STPG2: variants seen among roughly 807,000 people sequenced by gnomAD.
STPG2 encodes the protein sperm-tail PG-rich repeat-containing protein 2.
STPG2 carries 56 observed loss-of-function variants against 54.2 expected under a neutral mutation model. The ratio of observed to expected loss-of-function variants is 1.03; its 90% confidence interval spans 0.83 to 1.29. The LOEUF (loss-of-function observed/expected upper bound fraction) is 1.29. Ranked by LOEUF, STPG2 falls within the 50% of genes most tolerant of loss-of-function variation. STPG2 has a pLI of 0.00. For synonymous variants in STPG2, 200 were observed against 181.8 expected, an observed-to-expected ratio of 1.10 and a Z score of -0.81; for missense variants, 596 against 544.9, an observed-to-expected ratio of 1.09 and a Z score of -0.93.
chr4:97,480,447 C>T (rs1297047753), intron 4 of STPG2, among the ~76,000 whole-genome samples: 2 of 151,528 alleles, frequency 1.3e-5, no homozygotes, highest in African/African-American at 2.4e-5. Context: ...GACAGACCTC[C>T]TTATCTCATT....
chr4:97,987,261 C>G (rs979920196), intron 5 of STPG2, among the ~76,000 whole-genome samples: 1 of 151,952 alleles, frequency 6.6e-6, no homozygotes, highest in African/African-American at 2.4e-5. Flanking sequence ...AATTATCCAG[C>G]TCTTCACATG....
intron 5 of STPG2, among the ~76,000 whole-genome samples, chr4:98,083,959 T>C (rs1490262485): frequency 1.3e-5 from 2 of 152,092 alleles, no homozygotes; most frequent in African/African-American, 2.4e-5. Context: ...GCTCGAGCAA[T>C]CCTCCTATCT....
intron 5 of STPG2, among the ~76,000 whole-genome samples, chr4:98,006,830 T>G (rs530490786): frequency 3.3e-5 from 5 of 152,268 alleles, no homozygotes; most frequent in African/African-American, 1.2e-4. Flanking sequence ...GCCCAATCAG[T>G]TCCGAAGTGT....
chr4:97,875,352 T>A (rs186703650), intron 8 of STPG2, among the ~76,000 whole-genome samples: 1 of 151,828 alleles, frequency 6.6e-6, no homozygotes, highest in Non-Finnish European at 1.5e-5. Context: ...TCATTTTATA[T>A]ATTTTTTAAA....
In STPG2 at chr4:97,992,181, C is replaced by T. The variant is rs147847435; in HGVS notation, c.613-10863G>A. Reference sequence around the variant, plus strand: ...GTCATGAAGTCTTTGCCTAGGCTAACGTCTAGAAGGGTTTTTCCAATGTTA... The same window carrying T: ...GTCATGAAGTCTTTGCCTAGGCTAATGTCTAGAAGGGTTTTTCCAATGTTA... On this transcript the variant is annotated intron_variant, in intron 5 of 10. Transcript: ENST00000295268. Among the ~76,000 whole-genome samples, 562 of 152,122 alleles carry T rather than the reference C, an allele frequency of 3.7e-3. 7 individuals carry two copies. Among genetic ancestry groups the T allele is most frequent in the Non-Finnish European group, 5.2e-3 (356 of 67,962 alleles).
Position 97,966,814 on chromosome 4 carries a change from A to C in STPG2, c.933+5466T>G, listed in dbSNP as rs117036511. Among the ~76,000 whole-genome samples, 369 of 152,312 alleles carry C rather than the reference A, an allele frequency of 2.4e-3. 6 individuals carry two copies. The East Asian group carries it at 0.051, about 21-fold the overall frequency. On this transcript the variant is annotated intron_variant, in intron 7 of 10. Coordinates refer to ENST00000295268, the MANE Select transcript of STPG2 (RefSeq NM_174952.3). ...GAAATAAAATCCTTAACAGAAACGCAAAGGCTGAGAGATTACAAGAGCCTT... is the reference window on the plus strand; with the variant it reads ...GAAATAAAATCCTTAACAGAAACGCCAAGGCTGAGAGATTACAAGAGCCTT...
intron 4 of STPG2, among the ~76,000 whole-genome samples, chr4:97,504,031 T>C (rs1436412157): frequency 1.4e-5 from 2 of 145,554 alleles, no homozygotes; most frequent in African/African-American, 4.9e-5. Context: ...ATATTTTTTA[T>C]TTTTAATTTA....
At chr4:98,057,930 C>A (rs536001340) in intron 5 of STPG2, among the ~76,000 whole-genome samples, 1 of 152,210 alleles carries the variant, frequency 6.6e-6, no homozygotes, top group South Asian at 2.1e-4. Flanking sequence ...TAATTCTAAC[C>A]CAGATTTTCA....
At chr4:98,082,868 T>G (rs943227708) in intron 5 of STPG2, among the ~76,000 whole-genome samples, 1 of 152,140 alleles carries the variant, frequency 6.6e-6, no homozygotes, top group African/African-American at 2.4e-5. Flanking sequence ...AGCCCTTACA[T>G]TGGCACACAA....
intron 10 of STPG2, among the ~76,000 whole-genome samples, chr4:97,561,634 A>G (rs1356186864): frequency 1.3e-5 from 2 of 152,200 alleles, no homozygotes; most frequent in Non-Finnish European, 2.9e-5. Context: ...ATAAGGGGTA[A>G]GGAAGGGATT....
At chr4:97,747,969 C>A (rs1295055945) in intron 9 of STPG2, among the ~76,000 whole-genome samples, 1 of 151,416 alleles carries the variant, frequency 6.6e-6, no homozygotes. Flanking sequence ...AAGGGGAAAT[C>A]TTCTAGGATG....
At chr4:97,934,337 T>C (rs1732666321) in intron 8 of STPG2, among the ~76,000 whole-genome samples, 1 of 152,200 alleles carries the variant, frequency 6.6e-6, no homozygotes, top group Admixed American at 6.5e-5. Context: ...CTCTTCCTAG[T>C]TGAATACCCT....
intron 8 of STPG2, among the ~76,000 whole-genome samples, chr4:97,897,177 C>A (rs1171786603): frequency 6.6e-6 from 1 of 151,808 alleles, no homozygotes; most frequent in Non-Finnish European, 1.5e-5. Context: ...TCTGTTCCTG[C>A]AATAGTTTGC....
chr4:98,099,487 C>T (rs1174823298), intron 5 of STPG2, among the ~76,000 whole-genome samples: 1 of 151,968 alleles, frequency 6.6e-6, no homozygotes, highest in Non-Finnish European at 1.5e-5. Context: ...GGATGAGGCT[C>T]ACAAGGAGGT....
chr4:97,930,688 T>C (rs1732509622), intron 8 of STPG2, among the ~76,000 whole-genome samples: 1 of 152,186 alleles, frequency 6.6e-6, no homozygotes, highest in Admixed American at 6.5e-5. Context: ...TATGACTTTT[T>C]AAAGGTTTTT....
downstream of STPG2, among the ~76,000 whole-genome samples, chr4:97,554,024 C>G (rs1732024061): frequency 6.6e-6 from 1 of 152,210 alleles, no homozygotes; most frequent in African/African-American, 2.4e-5. Context: ...TAATTTCTTA[C>G]CGTTATCTTT....
At chr4:98,078,955 C>T (rs182857670) in intron 5 of STPG2, among the ~76,000 whole-genome samples, 24 of 152,124 alleles carry the variant, frequency 1.6e-4, no homozygotes, top group Admixed American at 5.2e-4. Flanking sequence ...TGTAGAAGCA[C>T]GAATAATAAC....
chr4:97,600,748 T>C (rs978953756), intron 10 of STPG2, among the ~76,000 whole-genome samples: 11 of 152,060 alleles, frequency 7.2e-5, no homozygotes, highest in African/African-American at 2.4e-4. Flanking sequence ...AGTTCAAAAA[T>C]AGCGCAATAG....
At chr4:97,933,335 T>C (rs1732621440) in intron 8 of STPG2, among the ~76,000 whole-genome samples, 1 of 152,154 alleles carries the variant, frequency 6.6e-6, no homozygotes, top group Admixed American at 6.5e-5. Flanking sequence ...CTGATGAAAA[T>C]TTCTTTTGGT....
Sources: gnomAD v4.1 joint callset for allele counts (sites outside exome capture counted in the v4.1 genomes callset) on GRCh38, gnomAD v4.1.1 for gene constraint, MANE v1.5 for transcripts, NCBI Gene and HGNC (gene_info 2026-07-23, HGNC 2026-07-21) for gene names.